Variants in CTNNA3 observed in about 807,000 individuals in gnomAD.
CTNNA3 encodes catenin alpha 3.
A neutral mutation model predicts 95.7 loss-of-function variants in CTNNA3; 76 were observed. The ratio of observed to expected loss-of-function variants is 0.79; its 90% CI spans 0.66 to 0.96. The LOEUF is 0.96. Among genes scored for constraint, CTNNA3 ranks in the 40% least tolerant of loss-of-function variants. The pLI is 0.00. For synonymous variants in CTNNA3, 431 were observed against 374.4 expected, an observed-to-expected ratio of 1.15 and a Z score of -1.74; for missense variants, 1,191 against 1,089.8, an observed-to-expected ratio of 1.09 and a Z score of -1.31.
At chr10:66,623,763 C>T (rs1844834363) in intron 9 of CTNNA3, among the ~76,000 whole-genome samples, 1 of 152,072 alleles carries the variant, frequency 6.6e-6, no homozygotes, top group Admixed American at 6.6e-5. Flanking sequence ...TGTGTACAAA[C>T]AAGGTCGAAT....
chr10:67,230,215 G>A (rs1286428411), intron 5 of CTNNA3, among the ~76,000 whole-genome samples: 1 of 152,094 alleles, frequency 6.6e-6, no homozygotes, highest in Non-Finnish European at 1.5e-5. Context: ...AAAACACAAA[G>A]TGAGGAAAGG....
chr10:67,651,147 C>T (rs1413830155), intron 1 of CTNNA3, among the ~76,000 whole-genome samples: 3 of 151,922 alleles, frequency 2.0e-5, no homozygotes, highest in Admixed American at 6.6e-5. Flanking sequence ...AAAAGATTAA[C>T]TTTTGTAACA....
chr10:67,184,749 A>T (rs1325807794), intron 6 of CTNNA3, among the ~76,000 whole-genome samples: 3 of 152,232 alleles, frequency 2.0e-5, no homozygotes, highest in South Asian at 2.1e-4. Context: ...TAAACCTTTT[A>T]TAAAGCATCA....
chr10:66,798,299 C>A (rs1459294821), intron 7 of CTNNA3, among the ~76,000 whole-genome samples: 1 of 151,586 alleles, frequency 6.6e-6, no homozygotes, highest in African/African-American at 2.4e-5. Context: ...ATAACAATAT[C>A]TTGCAGTTAA....
chr10:66,708,540 AT>A (rs1359281433), intron 9 of CTNNA3, among the ~76,000 whole-genome samples: 1 of 151,370 alleles, frequency 6.6e-6, no homozygotes, highest in East Asian at 1.9e-4. Flanking sequence ...CTATCTCCAA[AT>A]GCACTCTCAT....
intron 11 of CTNNA3, among the ~76,000 whole-genome samples, chr10:66,430,647 T>G: frequency 6.6e-6 from 1 of 152,098 alleles, no homozygotes; most frequent in Non-Finnish European, 1.5e-5. Flanking sequence ...AAACAAGAAA[T>G]GAGGAAAGGA....
At chr10:66,305,628 A>T (rs1307440600) in intron 12 of CTNNA3, among the ~76,000 whole-genome samples, 1 of 152,200 alleles carries the variant, frequency 6.6e-6, no homozygotes, top group African/African-American at 2.4e-5. Context: ...CTTCCTGTTC[A>T]TGAAGTAGAC....
chr10:67,728,946 A>G (rs1443631015), intron 1 of CTNNA3, among the ~76,000 whole-genome samples: 2 of 152,198 alleles, frequency 1.3e-5, no homozygotes, highest in African/African-American at 4.8e-5. Context: ...TTGGTTTTCT[A>G]GAGGAAATGA....
chr10:67,111,310 C>G (rs1858899156), intron 7 of CTNNA3, among the ~76,000 whole-genome samples: 1 of 152,106 alleles, frequency 6.6e-6, no homozygotes. Context: ...GATTATATTT[C>G]ACTCAGTGCC....
intron 7 of CTNNA3, among the ~76,000 whole-genome samples, chr10:67,141,770 G>A (rs549341444): frequency 7.9e-5 from 12 of 152,134 alleles, no homozygotes; most frequent in South Asian, 2.1e-4. Flanking sequence ...ATAAGGTCAC[G>A]ACTATAAATA....
At chr10:66,955,853 TG>T (rs1356718265) in intron 7 of CTNNA3, among the ~76,000 whole-genome samples, 1 of 152,176 alleles carries the variant, frequency 6.6e-6, no homozygotes, top group Non-Finnish European at 1.5e-5. Flanking sequence ...GAGCCCATTG[TG>T]TCTCACCTTC....
chr10:66,026,950 T>C (rs1441052468), intron 15 of CTNNA3, among the ~76,000 whole-genome samples: 2 of 152,140 alleles, frequency 1.3e-5, no homozygotes, highest in Non-Finnish European at 2.9e-5. Context: ...TTATTTTTTC[T>C]CTTAAGTTCA....
At chr10:67,336,011 T>G (rs1841982733) in intron 5 of CTNNA3, among the ~76,000 whole-genome samples, 1 of 152,160 alleles carries the variant, frequency 6.6e-6, no homozygotes, top group Non-Finnish European at 1.5e-5. Context: ...TATTTCAAAC[T>G]TCTTCATTAT....
intron 11 of CTNNA3, among the ~76,000 whole-genome samples, chr10:66,489,131 T>C (rs565335854): frequency 5.9e-5 from 9 of 152,224 alleles, no homozygotes; most frequent in Admixed American, 2.6e-4. Flanking sequence ...CAAGGTTAGA[T>C]CACTCATCAG....
At chr10:65,954,624 C>A (rs1463618771) in intron 17 of CTNNA3, among the ~76,000 whole-genome samples, 1 of 152,188 alleles carries the variant, frequency 6.6e-6, no homozygotes, top group East Asian at 1.9e-4. Context: ...GTTTTCCCAG[C>A]ACCATTTATT....
intron 7 of CTNNA3, chr10:66,926,813 TATTTAG>T (rs1167170728): frequency 9.7e-7 from 1 of 1,033,474 alleles, no homozygotes; most frequent in Non-Finnish European, 1.4e-6. Context: ...TGTTAAGTGT[TATTTAG>T]ATTTAAATTT....
chr10:66,279,965 C>T (rs1043565936), intron 13 of CTNNA3, among the ~76,000 whole-genome samples: 6 of 151,946 alleles, frequency 3.9e-5, no homozygotes, highest in Non-Finnish European at 7.4e-5. Flanking sequence ...AGACAACTCC[C>T]AGACTGGGAC....
intron 13 of CTNNA3, among the ~76,000 whole-genome samples, chr10:66,123,226 C>A (rs1209802691): frequency 6.6e-6 from 1 of 152,110 alleles, no homozygotes; most frequent in African/African-American, 2.4e-5. Flanking sequence ...TACAGCAATT[C>A]CAAATGGGAG....
In CTNNA3 at chr10:67,736,427, T is replaced by C. The variant is rs867220678; in HGVS notation, c.-2+27007A>G. On this transcript the variant is annotated intron_variant, in intron 1 of 17. Coordinates refer to the CTNNA3 transcript ENST00000684154. The stretch of plus-strand genomic sequence containing the variant: ...ATAACAAGTACTTAAATGGTAAATT[T>C]TATGTTATGCATATTTTACCACAAT... Among the ~76,000 whole-genome samples, 5 of 152,128 alleles carry C rather than the reference T, an allele frequency of 3.3e-5. No individual in the cohort carries two copies. In the Middle Eastern group the frequency reaches 0.017, roughly 517 times the overall value.
Sources: gnomAD v4.1 joint callset for allele counts (sites outside exome capture counted in the v4.1 genomes callset) on GRCh38, gnomAD v4.1.1 for gene constraint, MANE v1.5 for transcripts, NCBI Gene and HGNC (gene_info 2026-07-23, HGNC 2026-07-21) for gene names.